Variants in HLA-DRB5 observed in about 807,000 individuals in gnomAD.
HLA-DRB5 encodes the protein DR beta-5.
Under a neutral mutation model 22.4 loss-of-function variants are expected in HLA-DRB5, and 11 were observed. The ratio of observed to expected loss-of-function variants is 0.49; its 90% CI spans 0.31 to 0.81. The LOEUF (loss-of-function observed/expected upper bound fraction) is 0.81. Among genes scored for constraint, HLA-DRB5 ranks in the 40% least tolerant of loss-of-function variants. HLA-DRB5 has a pLI of 0.05. For missense variants in HLA-DRB5, 106 were observed against 274.4 expected (o/e 0.39, Z 4.34); for synonymous variants, 57 against 106.0 (o/e 0.54, Z 2.84).
chr6:32,526,148 A>AAAGGATCC (rs2150572219), intron 1 of HLA-DRB5, among the ~76,000 whole-genome samples: 3 of 99,994 alleles, frequency 3.0e-5, no homozygotes, highest in East Asian at 2.7e-4. Context: ...CTCGCTCTTC[A>AAAGGATCC]AATGGTCCAA....
chr6:32,524,044 A>T lies in HLA-DRB5; in HGVS notation c.101-1870T>A, dbSNP rs115359984. ...GTTCCCCAAGGGTGATGGGAGGGAA[A>T]GGAGCGGTGGTGAACGATCCCTGGG... On this transcript the variant is annotated intron_variant, in intron 1 of 5. Coordinates refer to ENST00000374975, the MANE Select transcript of HLA-DRB5 (RefSeq NM_002125.4). Among the ~76,000 whole-genome samples the T allele has an allele frequency of 8.3e-5, 3 of 36,124 alleles. 1 individual carries two copies. Among genetic ancestry groups the T allele is most frequent in the Non-Finnish European group, 1.7e-4 (3 of 17,744 alleles). The allele number at this position is 36,124 out of a possible 152,430, so 23.7% of individuals were successfully genotyped here.
chr6:32,524,325 C>T (rs74223623), intron 1 of HLA-DRB5, among the ~76,000 whole-genome samples: 46,758 of 91,642 alleles, frequency 0.51, 11,882 homozygotes, highest in Middle Eastern at 0.6. Flanking sequence ...ATATCATCTT[C>T]TTTCTTAATT....
In HLA-DRB5 at chr6:32,519,562, C is replaced by G; in HGVS notation, c.460G>C (p.Gly154Arg). 1 of 1,448,490 alleles carries G rather than the reference C, an allele frequency of 6.9e-7. No individual in the cohort carries two copies. Among genetic ancestry groups the G allele is most frequent in the Admixed American group, 1.9e-5 (1 of 52,472 alleles). 89.7% of individuals were successfully genotyped at this position (1,448,490 alleles called of 1,614,324 possible). A position where few individuals can be genotyped will look rare whatever the true frequency, so the allele number is the denominator to read the frequency against. The change falls in exon 3 of 6, where the codon GGC (glycine) becomes CGC (arginine). Residue 154 changes from glycine to arginine, a missense_variant. Transcript: ENST00000374975. Reference protein sequence around the residue: ...LVCSVNGFYPGSIEVRWFRNS... With the variant: ...LVCSVNGFYPRSIEVRWFRNS... ...CGGAACCACCTGACTTCAATGCTGCCTGGATAGAAACCATTCACAGAGCAG... is the reference window on the plus strand; with the variant it reads ...CGGAACCACCTGACTTCAATGCTGCGTGGATAGAAACCATTCACAGAGCAG...
chr6:32,528,899 G>C (rs114312361), intron 1 of HLA-DRB5, among the ~76,000 whole-genome samples: 13,926 of 33,912 alleles, frequency 0.41, 5,149 homozygotes, highest in Middle Eastern at 0.66. Flanking sequence ...GCCTAGATCG[G>C]ACCACTGCAT....
chr6:32,527,852 C>T (rs1769782421), intron 1 of HLA-DRB5, among the ~76,000 whole-genome samples: 1 of 39,240 alleles, frequency 2.5e-5, no homozygotes, highest in Admixed American at 3.3e-4. Flanking sequence ...GCACTCCAGC[C>T]TGGGCAACAA....
intron 3 of HLA-DRB5, 54 bp downstream of exon 3, chr6:32,519,316 G>T (rs201045821): frequency 1.3e-6 from 1 of 772,832 alleles, no homozygotes. Context: ...TCAGGGATTA[G>T]TAAAGTTTGC....
chr6:32,524,864 G>A (rs147212735), intron 1 of HLA-DRB5, among the ~76,000 whole-genome samples: 6,653 of 31,930 alleles, frequency 0.21, 2,122 homozygotes, highest in Non-Finnish European at 0.24. Flanking sequence ...CCAATAAATT[G>A]TGGTCGTGTG....
At chr6:32,525,856 C>T (rs114132274) in intron 1 of HLA-DRB5, among the ~76,000 whole-genome samples, 3 of 110,296 alleles carry the variant, frequency 2.7e-5, no homozygotes, top group Admixed American at 9.5e-5. Flanking sequence ...ATTCTCATGA[C>T]CTAGAGTAGT....
In HLA-DRB5 at chr6:32,521,602, C is replaced by G. The variant is rs562942295; in HGVS notation, c.370+303G>C. On this transcript the variant is annotated intron_variant, in intron 2 of 5. Transcript: ENST00000374975. ...CCAAGGTCTCCTCTCTCTCCAGCCC[C>G]CTGCACCCACCTCCCATGTCACCTC... is the stretch of plus-strand genomic sequence containing the variant. Among the ~76,000 whole-genome samples the G allele has an allele frequency of 3.1e-5, 3 of 97,866 alleles. 1 individual carries two copies. The Admixed American group carries it at 3.6e-4, about 12-fold the overall frequency. 64.2% of individuals were successfully genotyped at this position (97,866 alleles called of 152,430 possible). A position where few individuals can be genotyped will look rare whatever the true frequency, so the allele number is the denominator to read the frequency against.
rs192031964 is a variant in HLA-DRB5, at chr6:32,526,372, T to C, written c.100+3753A>G. 6.1e-3 allele frequency among the ~76,000 whole-genome samples: 144 copies of C among 23,624 alleles called. 49 individuals carry two copies. Among genetic ancestry groups the C allele is most frequent in the Admixed American group, 0.011 (17 of 1,582 alleles). 15.5% of individuals were successfully genotyped at this position (23,624 alleles called of 152,430 possible). A position where few individuals can be genotyped will look rare whatever the true frequency, so the allele number is the denominator to read the frequency against. ...TTCCCAACATCCCTGGGCTCTTTCT[T>C]AGTCCCCTTTGCTGGCCTGTGCCCT... is the stretch of plus-strand genomic sequence containing the variant. On this transcript the variant is annotated intron_variant, in intron 1 of 5. Coordinates refer to ENST00000374975, the MANE Select transcript of HLA-DRB5 (RefSeq NM_002125.4).
At chr6:32,523,495 A>G (rs115063919) in intron 1 of HLA-DRB5, among the ~76,000 whole-genome samples, 723 of 21,988 alleles carry the variant, frequency 0.033, 211 homozygotes, top group Non-Finnish European at 0.037. Flanking sequence ...ATTTTACATT[A>G]TGAATCATAC....
At position 32,520,043 on chromosome 6, in the gene HLA-DRB5, C is replaced by A. The variant is rs796105724; in HGVS notation, c.371-392G>T. Among the ~76,000 whole-genome samples, 118 of 32,954 alleles carry A rather than the reference C, an allele frequency of 3.6e-3. 4 individuals are homozygous for A. Among genetic ancestry groups the A allele is most frequent in the East Asian group, 5.9e-3 (7 of 1,186 alleles). The allele number at this position is 32,954 out of a possible 152,430, so 21.6% of individuals were successfully genotyped here. On this transcript the variant is annotated intron_variant, in intron 2 of 5. Coordinates refer to ENST00000374975, the MANE Select transcript of HLA-DRB5 (RefSeq NM_002125.4). ...TCTTCTGTGTCTCAACTTTCTCACCCATAATAGAGGATAATTATAGTAATT... is the reference window on the plus strand; with the variant it reads ...TCTTCTGTGTCTCAACTTTCTCACCAATAATAGAGGATAATTATAGTAATT...
chr6:32,523,114 G>C (rs186828808), intron 1 of HLA-DRB5, among the ~76,000 whole-genome samples: 1 of 62,584 alleles, frequency 1.6e-5, no homozygotes, highest in Non-Finnish European at 3.2e-5. Flanking sequence ...TAAAGACAGT[G>C]GGAAAGTATC....
intron 3 of HLA-DRB5, among the ~76,000 whole-genome samples, chr6:32,518,978 A>G (rs894569397): frequency 3.6e-3 from 284 of 79,530 alleles, no homozygotes; most frequent in East Asian, 6.9e-3. Context: ...GGCAGAGCTG[A>G]TATTGGACTC....
intron 2 of HLA-DRB5, 62 bp from the exon 3 acceptor site, chr6:32,519,713 C>T (rs1271199941): frequency 7.3e-4 from 382 of 519,984 alleles, no homozygotes; most frequent in Admixed American, 2.0e-3. Context: ...CCCTTTTTGG[C>T]TGTTTGTCTG....
intron 4 of HLA-DRB5, 21 bp downstream of exon 4, chr6:32,518,535 C>CA: frequency 2.1e-6 from 1 of 482,328 alleles, no homozygotes; most frequent in Non-Finnish European, 2.9e-6. Flanking sequence ...ATGGAGAGAG[C>CA]CGCTACCAAA....
intron 2 of HLA-DRB5, among the ~76,000 whole-genome samples, chr6:32,521,390 G>A (rs73726173): frequency 0.71 from 79,330 of 111,786 alleles, 27,714 homozygotes; most frequent in Middle Eastern, 0.81. Context: ...TAATGCTTTT[G>A]CAAACAAACA....
At chr6:32,522,768 C>G (rs112967446) in intron 1 of HLA-DRB5, among the ~76,000 whole-genome samples, 3,726 of 26,826 alleles carry the variant, frequency 0.14, 1,081 homozygotes, top group East Asian at 0.2. Context: ...TTCCAGAACA[C>G]AGAGTAATAG....
At chr6:32,519,192 GA>G (rs1562424074) in intron 3 of HLA-DRB5, among the ~76,000 whole-genome samples, 177 bp downstream of exon 3, 943 of 57,992 alleles carry the variant, frequency 0.016, 1 homozygote, top group Non-Finnish European at 0.018. Flanking sequence ...TGCTTCCCCA[GA>G]GGATACAGGT....
Sources: allele counts gnomAD v4.1 joint callset (sites outside exome capture counted in the v4.1 genomes callset), GRCh38; gene constraint gnomAD v4.1.1; transcripts MANE v1.5; gene names NCBI Gene and HGNC (gene_info 2026-07-23, HGNC 2026-07-21).